Variants in CACNA2D3 observed in about 807,000 individuals in gnomAD.
The protein encoded by CACNA2D3 is calcium voltage-gated channel auxiliary subunit alpha2delta 3.
Under a neutral mutation model 160.6 loss-of-function variants are expected in CACNA2D3, and 60 were observed. The observed-to-expected ratio is 0.37, with a 90% confidence interval of 0.30 to 0.46. CACNA2D3 has a LOEUF of 0.46. CACNA2D3 is among the 20% of genes least tolerant of loss of function. CACNA2D3 has a pLI of 1.00. For synonymous variants in CACNA2D3, 558 were observed against 492.9 expected (o/e 1.13, Z -1.75); for missense variants, 1,205 against 1,365.0 (o/e 0.88, Z 1.85).
chr3:54,826,873 T>C (rs1703760735), intron 14 of CACNA2D3, among the ~76,000 whole-genome samples: 2 of 152,302 alleles, frequency 1.3e-5, no homozygotes, highest in Non-Finnish European at 1.5e-5. Context: ...AATCTTTGGA[T>C]TTCAAAGAAG....
intron 5 of CACNA2D3, among the ~76,000 whole-genome samples, chr3:54,508,090 G>A (rs1387699116): frequency 2.6e-5 from 4 of 152,204 alleles, no homozygotes; most frequent in Non-Finnish European, 5.9e-5. Context: ...TTGTCCAAGG[G>A]GGCTGTGGAG....
At chr3:54,299,957 CT>C (rs1703437043) in intron 2 of CACNA2D3, among the ~76,000 whole-genome samples, 1 of 152,194 alleles carries the variant, frequency 6.6e-6, no homozygotes, top group African/African-American at 2.4e-5. Flanking sequence ...TGTAGACCCC[CT>C]AACAATGCTG....
chr3:54,894,692 A>C (rs1354240577), intron 25 of CACNA2D3: 1 of 490,696 alleles, frequency 2.0e-6, no homozygotes, highest in Admixed American at 2.1e-5. Context: ...GCATCCTGCC[A>C]TGGGCCAGGC....
At chr3:54,378,533 A>C (rs867263252) in intron 3 of CACNA2D3, among the ~76,000 whole-genome samples, 88 of 152,182 alleles carry the variant, frequency 5.8e-4, no homozygotes, top group African/African-American at 2.0e-3. Context: ...ATTGTGGACT[A>C]TCCCCTTGGG....
At chr3:54,295,602 G>T (rs57211759) in intron 2 of CACNA2D3, among the ~76,000 whole-genome samples, 1 of 152,038 alleles carries the variant, frequency 6.6e-6, no homozygotes, top group African/African-American at 2.4e-5. Flanking sequence ...GCATTCTTTT[G>T]AATTTCTGAT....
chr3:54,710,401 A>G (rs1024551144), intron 11 of CACNA2D3, among the ~76,000 whole-genome samples: 7 of 152,334 alleles, frequency 4.6e-5, no homozygotes, highest in South Asian at 4.1e-4. Context: ...GAATAGTTCT[A>G]TTGGGATTTG....
intron 4 of CACNA2D3, among the ~76,000 whole-genome samples, chr3:54,439,486 T>G (rs1280313995): frequency 2.6e-5 from 4 of 152,180 alleles, no homozygotes; most frequent in African/African-American, 9.6e-5. Flanking sequence ...TCAGCCTCTT[T>G]GCAGACCTGG....
chr3:54,208,886 T>A (rs1381325292), intron 2 of CACNA2D3, among the ~76,000 whole-genome samples: 1 of 152,182 alleles, frequency 6.6e-6, no homozygotes, highest in Non-Finnish European at 1.5e-5. Context: ...GGACTCATAG[T>A]TCCATGTGGC....
At chr3:54,999,260 A>T (rs898401648) in intron 31 of CACNA2D3, among the ~76,000 whole-genome samples, 1 of 152,168 alleles carries the variant, frequency 6.6e-6, no homozygotes, top group Non-Finnish European at 1.5e-5. Context: ...CACTCCTATC[A>T]ACAGGTTGAG....
chr3:54,179,411 C>T (rs1700739288), intron 2 of CACNA2D3, among the ~76,000 whole-genome samples: 1 of 152,076 alleles, frequency 6.6e-6, no homozygotes, highest in African/African-American at 2.4e-5. Context: ...ACCTTTCTCC[C>T]ATGATCCAGC....
chr3:54,450,261 C>A (rs543048910), intron 4 of CACNA2D3, among the ~76,000 whole-genome samples: 1 of 152,188 alleles, frequency 6.6e-6, no homozygotes, highest in Non-Finnish European at 1.5e-5. Flanking sequence ...AGGGTTAGGA[C>A]TTCCACATAT....
chr3:54,135,045 A>G lies in CACNA2D3; in HGVS notation c.204+11451A>G, dbSNP rs142807864. Among the ~76,000 whole-genome samples, 378 of 152,318 alleles carry G rather than the reference A, an allele frequency of 2.5e-3. 2 individuals carry two copies. The highest frequency in any genetic ancestry group is 8.8e-3 in the African/African-American group (365 of 41,578). On this transcript the variant is annotated intron_variant, in intron 2 of 37. Coordinates refer to ENST00000474759, the MANE Select transcript of CACNA2D3 (RefSeq NM_018398.3). ...ATTCCATAAAGCGCTTGAGTGCCAC[A>G]TTATCACTGATATTAGGGAGAAATG...
intron 11 of CACNA2D3, among the ~76,000 whole-genome samples, chr3:54,747,547 G>T (rs1161176295): frequency 6.6e-6 from 1 of 152,068 alleles, no homozygotes; most frequent in Non-Finnish European, 1.5e-5. Flanking sequence ...TTATGTATCA[G>T]CTCATGTCAG....
At chr3:54,918,577 G>C in intron 27 of CACNA2D3, 1 of 1,614,080 alleles carries the variant, frequency 6.2e-7, no homozygotes, top group Non-Finnish European at 8.5e-7. Context: ...GCCATAGATG[G>C]CAGCTGCCAA....
chr3:54,128,273 A>C (rs772098480), intron 2 of CACNA2D3, among the ~76,000 whole-genome samples: 23 of 152,184 alleles, frequency 1.5e-4, no homozygotes, highest in African/African-American at 5.6e-4. Flanking sequence ...TATTATTTCC[A>C]GTTTTTGATG....
At chr3:54,411,273 G>A (rs1374470456) in intron 4 of CACNA2D3, among the ~76,000 whole-genome samples, 1 of 152,204 alleles carries the variant, frequency 6.6e-6, no homozygotes, top group Non-Finnish European at 1.5e-5. Context: ...GGTTTAAAAG[G>A]ATTGACTCCA....
At chr3:54,128,603 G>A (rs1011186582) in intron 2 of CACNA2D3, among the ~76,000 whole-genome samples, 1 of 152,074 alleles carries the variant, frequency 6.6e-6, no homozygotes. Context: ...GCCAACAAAC[G>A]GGCTTTTTCT....
chr3:54,578,189 A>G (rs1217568008), intron 8 of CACNA2D3, among the ~76,000 whole-genome samples: 1 of 152,210 alleles, frequency 6.6e-6, no homozygotes, highest in African/African-American at 2.4e-5. Context: ...GTAAAAGCAA[A>G]TTATAGAAGG....
intron 11 of CACNA2D3, among the ~76,000 whole-genome samples, chr3:54,721,622 G>GT: frequency 6.6e-6 from 1 of 152,018 alleles, no homozygotes; most frequent in Admixed American, 6.6e-5. Context: ...TTAGCCAGGC[G>GT]TGGTGGTAGG....
Sources: allele counts gnomAD v4.1 joint callset (sites outside exome capture counted in the v4.1 genomes callset), GRCh38; gene constraint gnomAD v4.1.1; transcripts MANE v1.5; gene names NCBI Gene and HGNC (gene_info 2026-07-23, HGNC 2026-07-21).